Variants in KCTD17 observed in about 807,000 individuals in gnomAD.
KCTD17 encodes the protein potassium channel tetramerization domain containing 17, also known as BTB/POZ domain-containing protein KCTD17.
KCTD17 carries 20 observed loss-of-function variants against 41.5 expected under a neutral mutation model. That is an observed-to-expected ratio of 0.48 (90% CI 0.34 to 0.70). The LOEUF (loss-of-function observed/expected upper bound fraction) is 0.70. KCTD17 is among the 30% of genes least tolerant of loss of function. KCTD17 has a pLI of 0.01. For missense variants in KCTD17, 317 were observed against 427.2 expected, an observed-to-expected ratio of 0.74 and a Z score of 2.27; for synonymous variants, 156 against 173.8, an observed-to-expected ratio of 0.90 and a Z score of 0.80.
chr22:37,052,092 AGGAGG>A, intron 1 of KCTD17, 143 bp downstream of exon 1: 1 of 504,162 alleles, frequency 2.0e-6, no homozygotes, highest in Non-Finnish European at 2.8e-6. Context: ...AAGCGGCAGG[AGGAGG>A]GGAGGGGGAG....
Position 37,059,341 on chromosome 22 carries a change from A to C in KCTD17, c.515A>C (p.Tyr172Ser). 6.2e-7 allele frequency: 1 copy of C among 1,612,916 alleles called. No individual in the cohort carries two copies. Among genetic ancestry groups the C allele is most frequent in the Non-Finnish European group, 8.5e-7 (1 of 1,179,776 alleles). The change falls in exon 5 of 9, where the codon TAC becomes TCC. Residue 172 changes from tyrosine (Y) to serine (S), a missense_variant. Physicochemically the swap from Tyr to Ser is moderately radical, Grantham distance 144. Coordinates refer to ENST00000403888, the MANE Select transcript of KCTD17 (RefSeq NM_001282684.2). Reference sequence around the variant, plus strand: ...GTGAACATCGGCTCCTCCTACAACTACGGCAGCGAGGACCAGGCAGAGTTC... The same window carrying C: ...GTGAACATCGGCTCCTCCTACAACTCCGGCAGCGAGGACCAGGCAGAGTTC... ...QLVNIGSSYN[Y>S]GSEDQAEFLC...
At chr22:37,057,930 C>T (rs568906504) in intron 4 of KCTD17, among the ~76,000 whole-genome samples, 4 of 152,204 alleles carry the variant, frequency 2.6e-5, no homozygotes, top group South Asian at 2.1e-4. Context: ...TCAGGGTCTC[C>T]GCAGGGGACA....
chr22:37,056,425 G>T lies in KCTD17; in HGVS notation c.390+14G>T. ...ACGGTCACCCAGGTCGGGAGCAGGG[G>T]CAGCACACACGGCCAGGGCAGGGGC... On this transcript the variant is annotated intron_variant, in intron 3 of 8. Transcript: ENST00000403888. 1 of 1,606,962 alleles carries T rather than the reference G, an allele frequency of 6.2e-7. No individual in the cohort carries two copies. Among genetic ancestry groups the T allele is most frequent in the South Asian group, 1.1e-5 (1 of 90,654 alleles).
rs1052157604 is a variant in KCTD17, at chr22:37,061,494, C to T, written c.785-45C>T. The T allele has an allele frequency of 1.3e-6, 2 of 1,574,206 alleles. No individual in the cohort carries two copies. Among genetic ancestry groups the T allele is most frequent in the Non-Finnish European group, 1.7e-6 (2 of 1,165,570 alleles). ...TGGGCCCTGGCTGCAGGCCCTGCCC[C>T]CCCTCCTCTCCTCCCGGCCTCCTCC... On this transcript the variant is annotated intron_variant, in intron 7 of 8. Coordinates refer to ENST00000403888, the MANE Select transcript of KCTD17 (RefSeq NM_001282684.2). This position sits in a 1 kb window ranked among gnomAD's most constrained non-coding sequence, Gnocchi z 6.6.
chr22:37,059,192 G>T, intron 4 of KCTD17, 121 bp from the exon 5 acceptor site: 1 of 1,418,786 alleles, frequency 7.0e-7, no homozygotes, highest in South Asian at 1.2e-5. Context: ...GAGTGGGCCC[G>T]ACAAGCCGCA....
At chr22:37,052,670 G>A (rs920501293) in intron 1 of KCTD17, 8 of 469,710 alleles carry the variant, frequency 1.7e-5, no homozygotes, top group Admixed American at 7.0e-5. Context: ...CTCCCTGCCC[G>A]CCCGAGTGTC....
At chr22:37,059,171 T>A in intron 4 of KCTD17, 142 bp from the exon 5 acceptor site, 1 of 1,177,970 alleles carries the variant, frequency 8.5e-7, no homozygotes, top group African/African-American at 1.5e-5. Flanking sequence ...AGGTGCCCTC[T>A]ACAAACCCAG....
intron 1 of KCTD17, 126 bp downstream of exon 1, chr22:37,052,075 C>A: frequency 1.5e-6 from 1 of 648,548 alleles, no homozygotes; most frequent in South Asian, 4.0e-5. Flanking sequence ...GAACTGGAGG[C>A]GGGAAGAAGC....
intron 3 of KCTD17, 70 bp downstream of exon 3, chr22:37,056,481 C>A (rs1193673034): frequency 7.5e-7 from 1 of 1,329,688 alleles, no homozygotes; most frequent in Non-Finnish European, 1.1e-6. Context: ...AGAGACGGGG[C>A]GGGAAGCAGA....
intron 1 of KCTD17, 123 bp downstream of exon 1, chr22:37,052,072 A>T: frequency 2.4e-5 from 19 of 801,844 alleles, no homozygotes; most frequent in East Asian, 6.4e-5. Flanking sequence ...GAGGAACTGG[A>T]GGCGGGAAGA....
In KCTD17 at chr22:37,057,378, T is replaced by C. The variant is rs1347283833; in HGVS notation, c.391-20T>C. The C allele has an allele frequency of 2.5e-6, 4 of 1,608,536 alleles. No individual in the cohort carries two copies. In the African/African-American group the frequency reaches 4.0e-5, roughly 16 times the overall value. On this transcript the variant is annotated intron_variant, in intron 3 of 8. Transcript: ENST00000403888. ...CTGGTGCTCCCACAGGTGCCCTCTA[T>C]GTGACCCTTCTGCCCACAGGTCCCA... is the stretch of plus-strand genomic sequence containing the variant.
chr22:37,058,734 A>G (rs555808406), intron 4 of KCTD17, among the ~76,000 whole-genome samples: 2 of 152,240 alleles, frequency 1.3e-5, no homozygotes, highest in African/African-American at 4.8e-5. Context: ...GGGCAGGGCC[A>G]CTCTGAGAGC....
chr22:37,059,412 A>T lies in KCTD17; in HGVS notation c.586A>T (p.Ser196Cys). ...GCTCCACAGCACCCCAAACGGGCTG[A>T]GCTCAGAGTCCAGCCGCAAAACCAA... ...KELHSTPNGLSSESSRKTKST... is the reference protein window; with the variant it reads ...KELHSTPNGLCSESSRKTKST... Residue 196 changes from serine to cysteine, a missense_variant, in exon 5 of 9, where the codon AGC becomes TGC. Physicochemically the swap from Ser to Cys is moderately radical, Grantham distance 112. Coordinates refer to ENST00000403888, the MANE Select transcript of KCTD17 (RefSeq NM_001282684.2). 1.2e-6 allele frequency: 2 copies of T among 1,611,418 alleles called. No individual in the cohort carries two copies. Among genetic ancestry groups the T allele is most frequent in the South Asian group, 2.2e-5 (2 of 91,070 alleles).
chr22:37,057,399 T>C lies in KCTD17; in HGVS notation c.392T>C (p.Val131Ala), dbSNP rs1925267410. 1 of 1,613,362 alleles carries C rather than the reference T, an allele frequency of 6.2e-7. No individual in the cohort carries two copies. Among genetic ancestry groups the C allele is most frequent in the Admixed American group, 1.7e-5 (1 of 59,990 alleles). The change falls in exon 4 of 9, where the codon GTC becomes GCC. Residue 131 changes from valine to alanine, a missense_variant and splice_region_variant. Coordinates refer to ENST00000403888, the MANE Select transcript of KCTD17 (RefSeq NM_001282684.2). The stretch of plus-strand genomic sequence containing the variant: ...TCTATGTGACCCTTCTGCCCACAGG[T>C]CCCACCCAAGCACGTGTACCGCGTG... ...MEEKDYTVTQ[V>A]PPKHVYRVLQ...
intron 2 of KCTD17, among the ~76,000 whole-genome samples, chr22:37,054,655 T>C (rs950649850): frequency 2.0e-5 from 3 of 152,092 alleles, no homozygotes; most frequent in East Asian, 1.9e-4. Context: ...TGGGGGACCA[T>C]AGCACCCACC....
chr22:37,061,023 G>GT lies in KCTD17; in HGVS notation c.713-81_713-80insT, dbSNP rs1925714921. The GT allele has an allele frequency of 1.3e-6, 2 of 1,548,124 alleles. No individual in the cohort carries two copies. The highest frequency in any genetic ancestry group is 1.7e-6 in the Non-Finnish European group (2 of 1,144,628). Reference sequence around the variant, plus strand: ...CAGAACCGGGGGCCCCGGGGCTGCTGGGGGGGCACCAGGGTTAGCTCAGCC... The same window carrying GT: ...CAGAACCGGGGGCCCCGGGGCTGCTGTGGGGGGCACCAGGGTTAGCTCAGCC... On this transcript the variant is annotated intron_variant, in intron 6 of 8. Coordinates refer to ENST00000403888, the MANE Select transcript of KCTD17 (RefSeq NM_001282684.2). The surrounding 1 kb of genome is among the most constrained non-coding windows in gnomAD (Gnocchi z 6.6).
Position 37,057,498 on chromosome 22 carries a change from G to C in KCTD17, c.486+5G>C. ...GATGGCTGGCGCTTCGAGCAGGTGCGCTGGGGACAGGGGCGTGCCACCAGG... is the reference window on the plus strand; with the variant it reads ...GATGGCTGGCGCTTCGAGCAGGTGCCCTGGGGACAGGGGCGTGCCACCAGG... On this transcript the variant is annotated splice_donor_5th_base_variant and intron_variant, in intron 4 of 8. Transcript: ENST00000403888. 2 of 1,608,274 alleles carry C rather than the reference G, an allele frequency of 1.2e-6. No homozygotes were observed. Among genetic ancestry groups the C allele is most frequent in the African/African-American group, 2.7e-5 (2 of 74,988 alleles).
At position 37,059,160 on chromosome 22, in the gene KCTD17, GAGGTGCCCTCTACAAACCC is replaced by G. The variant is rs1159863203; in HGVS notation, c.487-149_487-131del. On this transcript the variant is annotated intron_variant, in intron 4 of 8. Transcript: ENST00000403888. Reference sequence around the variant, plus strand: ...GGGGAAGACTCCACCTTCCTGCCCAGAGGTGCCCTCTACAAACCCAGGAGTGGGCCCGACAAGCCGCAAG... The same window carrying G: ...GGGGAAGACTCCACCTTCCTGCCCAGAGGAGTGGGCCCGACAAGCCGCAAG... Among the ~76,000 whole-genome samples, 6 of 152,242 alleles carry G rather than the reference GAGGTGCCCTCTACAAACCC, an allele frequency of 3.9e-5. No individual in the cohort carries two copies. In the East Asian group the frequency reaches 1.2e-3, roughly 29 times the overall value.
intron 4 of KCTD17, 63 bp downstream of exon 4, chr22:37,057,556 C>A (rs568166316): frequency 8.0e-5 from 105 of 1,305,202 alleles, no homozygotes; most frequent in Admixed American, 2.4e-4. Flanking sequence ...TCTGACCAAG[C>A]AGGCCCCTCC....
Sources: gnomAD v4.1 joint callset for allele counts (sites outside exome capture counted in the v4.1 genomes callset) on GRCh38, gnomAD v4.1.1 for gene constraint, Gnocchi (gnomAD v3.1) non-coding constraint, MANE v1.5 for transcripts, NCBI Gene and HGNC (gene_info 2026-07-23, HGNC 2026-07-21) for gene names.